CAMTA1: variants seen among roughly 807,000 people sequenced by gnomAD.
CAMTA1 encodes the protein calmodulin-binding transcription activator 1.
In CAMTA1, 27 loss-of-function variants were observed where a neutral mutation model predicts 170.9. The observed-to-expected ratio is 0.16, with a 90% CI of 0.12 to 0.22. The LOEUF is 0.22. Among genes scored for constraint, CAMTA1 ranks in the 10% least tolerant of loss-of-function variants. The probability of loss-of-function intolerance (pLI) is 1.00; values close to 1 mark genes in which losing one functional copy is unlikely to be tolerated. For synonymous variants in CAMTA1, 833 were observed against 891.5 expected, an observed-to-expected ratio of 0.93 and a Z score of 1.17; for missense variants, 1,619 against 2,217.2, an observed-to-expected ratio of 0.73 and a Z score of 5.42.
rs79947627 is a variant in CAMTA1 at position 7,083,107 on chromosome 1, A to T, written c.235-8197A>T. Among the ~76,000 whole-genome samples the T allele has an allele frequency of 3.4e-3, 519 of 152,296 alleles. 3 individuals are homozygous for T. The highest frequency in any genetic ancestry group is 0.012 in the African/African-American group (502 of 41,572). On this transcript the variant is annotated intron_variant, in intron 3 of 22. Coordinates refer to ENST00000303635, the MANE Select transcript of CAMTA1 (RefSeq NM_015215.4). ...GCTGTGGATGTTTCTGTGGTGGCTC[A>T]TTGTTTCTTCACTGATTGGTAATTT...
At chr1:7,305,659 T>C (rs947986394) in intron 5 of CAMTA1, among the ~76,000 whole-genome samples, 27 of 152,114 alleles carry the variant, frequency 1.8e-4, no homozygotes, top group African/African-American at 6.5e-4. Flanking sequence ...TATATAAGTT[T>C]GGGATGATCA....
intron 5 of CAMTA1, among the ~76,000 whole-genome samples, chr1:7,282,058 C>G (rs934762631): frequency 4.6e-5 from 7 of 152,082 alleles, no homozygotes; most frequent in African/African-American, 1.7e-4. Flanking sequence ...TTTAGTTCAG[C>G]CCTTTATTTT....
At chr1:7,254,030 G>A (rs1666999398) in intron 5 of CAMTA1, among the ~76,000 whole-genome samples, 1 of 152,120 alleles carries the variant, frequency 6.6e-6, no homozygotes, top group South Asian at 2.1e-4. Flanking sequence ...CTGTGTGGGG[G>A]ATGCAGGAGG....
At chr1:6,908,281 C>T (rs754657129) in intron 3 of CAMTA1, among the ~76,000 whole-genome samples, 11 of 152,340 alleles carry the variant, frequency 7.2e-5, no homozygotes, top group Middle Eastern at 3.4e-3. Flanking sequence ...ACTCCCTTCA[C>T]GCCTCTTGTG....
chr1:6,838,043 G>T (rs1653995066), intron 3 of CAMTA1, among the ~76,000 whole-genome samples: 2 of 152,178 alleles, frequency 1.3e-5, no homozygotes, highest in South Asian at 4.1e-4. Flanking sequence ...ATACATGTAT[G>T]TATGGCAGGC....
In CAMTA1 at chr1:6,918,270, A is replaced by G. The variant is rs1681262502; in HGVS notation, c.234+93060A>G. On this transcript the variant is annotated intron_variant, in intron 3 of 22. Coordinates refer to ENST00000303635, the MANE Select transcript of CAMTA1 (RefSeq NM_015215.4). The surrounding 1 kb of genome is among the most constrained non-coding windows in gnomAD (Gnocchi z 4.0). ...TGCTTCTGGAGAGTACTGAAGAAGA[A>G]TAATATTTTTTTAATCTAAAAGAAC... 1.3e-5 allele frequency among the ~76,000 whole-genome samples: 2 copies of G among 152,190 alleles called. No individual in the cohort carries two copies. The highest frequency in any genetic ancestry group is 1.3e-4 in the Admixed American group (2 of 15,282).
intron 4 of CAMTA1, among the ~76,000 whole-genome samples, chr1:7,210,007 C>T (rs1182309321): frequency 5.9e-5 from 9 of 152,178 alleles, no homozygotes; most frequent in Non-Finnish European, 1.3e-4. Context: ...GCCCCGTTAA[C>T]CCTAAACACT....
At chr1:7,349,747 A>G (rs952494029) in intron 5 of CAMTA1, among the ~76,000 whole-genome samples, 9 of 151,768 alleles carry the variant, frequency 5.9e-5, no homozygotes, top group African/African-American at 1.9e-4. Flanking sequence ...ATCTGCGAAG[A>G]CTCGCTTTCC....
intron 6 of CAMTA1, among the ~76,000 whole-genome samples, chr1:7,484,572 A>C (rs1267420817): frequency 6.6e-6 from 1 of 152,140 alleles, no homozygotes; most frequent in Non-Finnish European, 1.5e-5. Flanking sequence ...GGTGGATCAC[A>C]AGGTCAGGAG....
At chr1:7,285,620 A>G (rs1381315772) in intron 5 of CAMTA1, among the ~76,000 whole-genome samples, 1 of 152,156 alleles carries the variant, frequency 6.6e-6, no homozygotes. Flanking sequence ...GAGCTGAGCT[A>G]TTTTAAAGAT....
intron 5 of CAMTA1, among the ~76,000 whole-genome samples, chr1:7,353,507 C>A (rs1354476455): frequency 2.0e-5 from 3 of 148,638 alleles, no homozygotes; most frequent in Non-Finnish European, 4.4e-5. Context: ...CTCACTGCAA[C>A]CTCCGCCTCC....
chr1:7,187,905 T>C (rs1449567931), intron 4 of CAMTA1, among the ~76,000 whole-genome samples: 2 of 152,208 alleles, frequency 1.3e-5, no homozygotes, highest in African/African-American at 4.8e-5. Context: ...TGTATTAGTC[T>C]GTTATCACAC....
rs560864741 is a variant in CAMTA1 at position 7,745,298 on chromosome 1, G to A, written c.4370+276G>A. On this transcript the variant is annotated intron_variant, in intron 17 of 22. Coordinates refer to ENST00000303635, the MANE Select transcript of CAMTA1 (RefSeq NM_015215.4). ...CCCAGCACTTTTGGGAGGCCAAGGC[G>A]GGTGGATCACCTGAGGTCAGGAGTT... Among the ~76,000 whole-genome samples the A allele has an allele frequency of 1.6e-4, 24 of 152,220 alleles. No individual in the cohort carries two copies. The South Asian group carries it at 5.0e-3, about 32-fold the overall frequency.
chr1:7,194,067 G>C (rs1274691746), intron 4 of CAMTA1, among the ~76,000 whole-genome samples: 1 of 152,198 alleles, frequency 6.6e-6, no homozygotes, highest in Non-Finnish European at 1.5e-5. Flanking sequence ...GGATGTGTGT[G>C]ACCTAGATTT....
In CAMTA1 at chr1:6,934,874, A is replaced by G. The variant is rs952789197; in HGVS notation, c.234+109664A>G. On this transcript the variant is annotated intron_variant, in intron 3 of 22. Transcript: ENST00000303635. This position sits in a 1 kb window ranked among gnomAD's most constrained non-coding sequence, Gnocchi z 4.5. ...TCCCCTGGGGAGAAGGAGCTGTTAAACTGTCAAAATAAAAAGTCCACCAAA... is the reference window on the plus strand; with the variant it reads ...TCCCCTGGGGAGAAGGAGCTGTTAAGCTGTCAAAATAAAAAGTCCACCAAA... Among the ~76,000 whole-genome samples, 4 of 152,286 alleles carry G rather than the reference A, an allele frequency of 2.6e-5. No homozygotes were observed. The highest frequency in any genetic ancestry group is 5.9e-5 in the Non-Finnish European group (4 of 68,038).
rs1395986038 is a variant in CAMTA1, at chr1:7,270,289, A to ATTTTTTT, written c.438+20664_438+20665insTTTTTTT. Among the ~76,000 whole-genome samples, 182 of 112,712 alleles carry ATTTTTTT rather than the reference A, an allele frequency of 1.6e-3. 2 individuals carry two copies. Among genetic ancestry groups the ATTTTTTT allele is most frequent in the African/African-American group, 6.5e-3 (175 of 27,062 alleles). 73.9% of individuals were successfully genotyped at this position (112,712 alleles called of 152,430 possible). ...CACACACACACATATATATATATAT[A>ATTTTTTT]TATTTTTTTTTTTTTTTCTTGTGAG... is the stretch of plus-strand genomic sequence containing the variant. On this transcript the variant is annotated intron_variant, in intron 5 of 22. Coordinates refer to ENST00000303635, the MANE Select transcript of CAMTA1 (RefSeq NM_015215.4).
intron 5 of CAMTA1, among the ~76,000 whole-genome samples, chr1:7,270,291 A>ATATATATTTT (rs1336977888): frequency 9.0e-6 from 1 of 110,546 alleles, no homozygotes; most frequent in African/African-American, 3.4e-5. Context: ...ATATATATAT[A>ATATATATTTT]TTTTTTTTTT....
chr1:6,888,301 G>C (rs1401734448), intron 3 of CAMTA1: 4 of 960,866 alleles, frequency 4.2e-6, no homozygotes, highest in Non-Finnish European at 5.0e-6. Flanking sequence ...AGTTTGGAAA[G>C]AAGCATAAAG....
intron 6 of CAMTA1, among the ~76,000 whole-genome samples, chr1:7,591,513 TC>T (rs1448374185): frequency 6.6e-6 from 1 of 152,246 alleles, no homozygotes; most frequent in Non-Finnish European, 1.5e-5. Flanking sequence ...CCTCAAAGTT[TC>T]CAGGAATAAT....
Sources: allele counts gnomAD v4.1 joint callset (sites outside exome capture counted in the v4.1 genomes callset), GRCh38; gene constraint gnomAD v4.1.1; non-coding constraint Gnocchi (gnomAD v3.1); transcripts MANE v1.5; gene names NCBI Gene and HGNC (gene_info 2026-07-23, HGNC 2026-07-21).